Variants in SVOP observed in about 807,000 individuals in gnomAD.
The protein encoded by SVOP is SV2 related protein, also known as synaptic vesicle 2-related protein.
Under a neutral mutation model 69.1 loss-of-function variants are expected in SVOP, and 17 were observed. That is an observed-to-expected ratio of 0.25 (90% CI 0.17 to 0.37). The LOEUF (loss-of-function observed/expected upper bound fraction) is 0.37, where lower values mean the gene tolerates loss of function less well. Ranked by LOEUF, SVOP falls within the 10% of genes least tolerant of loss-of-function variation. SVOP has a pLI of 1.00. For missense variants in SVOP, 435 were observed against 597.5 expected (o/e 0.73, Z 2.84); for synonymous variants, 238 against 238.6 (o/e 1.00, Z 0.02).
chr12:108,914,023 C>T (rs985249251), intron 15 of SVOP, among the ~76,000 whole-genome samples: 16 of 152,228 alleles, frequency 1.1e-4, no homozygotes, highest in African/African-American at 3.9e-4. Flanking sequence ...GCACCTGGCA[C>T]CGTGGAGGCA....
At chr12:108,937,180 T>C in intron 10 of SVOP, 84 bp downstream of exon 10, 2 of 1,359,772 alleles carry the variant, frequency 1.5e-6, no homozygotes, top group South Asian at 1.2e-5. Flanking sequence ...ATCAAAGTGC[T>C]ATCTGTCCAT....
At chr12:108,991,016 C>A (rs2040197404) in intron 1 of SVOP, among the ~76,000 whole-genome samples, 1 of 152,198 alleles carries the variant, frequency 6.6e-6, no homozygotes, top group African/African-American at 2.4e-5. Flanking sequence ...TCAACCCCAT[C>A]GTGAAGCAGA....
chr12:108,988,022 G>C (rs2040175708), intron 1 of SVOP, among the ~76,000 whole-genome samples: 1 of 152,038 alleles, frequency 6.6e-6, no homozygotes, highest in Admixed American at 6.6e-5. Context: ...CCTGGGCTCA[G>C]GTGCTCCTCC....
intron 2 of SVOP, among the ~76,000 whole-genome samples, chr12:108,980,640 C>A (rs2040130633): frequency 7.7e-6 from 1 of 129,720 alleles, no homozygotes; most frequent in Admixed American, 7.2e-5. Flanking sequence ...GTCCCAGCTA[C>A]TCAGGAGGCT....
chr12:109,006,160 C>G (rs931895678), intron 1 of SVOP, among the ~76,000 whole-genome samples: 1 of 152,164 alleles, frequency 6.6e-6, no homozygotes, highest in Admixed American at 6.6e-5. Flanking sequence ...TCAAGCGATT[C>G]TCCTGCCTCA....
At chr12:108,951,632 C>A (rs1203388563) in intron 6 of SVOP, among the ~76,000 whole-genome samples, 1 of 151,738 alleles carries the variant, frequency 6.6e-6, no homozygotes, top group Non-Finnish European at 1.5e-5. Flanking sequence ...TAAGAACCAC[C>A]AGCCTACACT....
intron 1 of SVOP, among the ~76,000 whole-genome samples, chr12:109,007,918 G>T (rs1319229349): frequency 6.6e-6 from 1 of 151,754 alleles, no homozygotes; most frequent in Non-Finnish European, 1.5e-5. Flanking sequence ...CGCACCTTTG[G>T]TCTCAGCTAC....
At chr12:108,948,466 G>A (rs187126572) in intron 6 of SVOP, among the ~76,000 whole-genome samples, 2 of 152,280 alleles carry the variant, frequency 1.3e-5, no homozygotes, top group Admixed American at 1.3e-4. Flanking sequence ...ATCAACAACA[G>A]AGAAGTTGTT....
At chr12:108,940,701 C>A in intron 8 of SVOP, 83 bp downstream of exon 8, 1 of 1,486,074 alleles carries the variant, frequency 6.7e-7, no homozygotes, top group Non-Finnish European at 9.0e-7. Context: ...CTTTGGTATC[C>A]TTCCCTATCC....
chr12:109,003,420 G>A (rs945999061), intron 1 of SVOP, among the ~76,000 whole-genome samples: 1 of 152,212 alleles, frequency 6.6e-6, no homozygotes, highest in African/African-American at 2.4e-5. Flanking sequence ...TCTGTGAAGT[G>A]GGAATGACAG....
At chr12:108,959,223 C>T (rs1593191175) in intron 6 of SVOP, among the ~76,000 whole-genome samples, 1 of 152,194 alleles carries the variant, frequency 6.6e-6, no homozygotes, top group East Asian at 1.9e-4. Flanking sequence ...CAGATCCATA[C>T]TTCTAGGTAC....
At chr12:109,002,996 A>C (rs2040282054) in intron 1 of SVOP, among the ~76,000 whole-genome samples, 1 of 58,156 alleles carries the variant, frequency 1.7e-5, no homozygotes, top group Non-Finnish European at 3.6e-5. Flanking sequence ...TAAATAAATA[A>C]ATAAATAAAA....
At chr12:108,917,940 C>G in intron 14 of SVOP, 103 bp downstream of exon 14, 2 of 957,710 alleles carry the variant, frequency 2.1e-6, no homozygotes, top group Non-Finnish European at 1.5e-6. Flanking sequence ...GCTACCGCGC[C>G]CACCACCTCA....
chr12:108,916,132 C>G (rs1231315246), intron 14 of SVOP, among the ~76,000 whole-genome samples: 1 of 152,226 alleles, frequency 6.6e-6, no homozygotes, highest in African/African-American at 2.4e-5. Flanking sequence ...TCCCCAAAGA[C>G]TCCTCCACCA....
intron 10 of SVOP, among the ~76,000 whole-genome samples, chr12:108,936,131 T>A (rs552247290): frequency 8.0e-4 from 122 of 151,960 alleles, no homozygotes; most frequent in Non-Finnish European, 1.6e-3. Flanking sequence ...CTGCAGCTTC[T>A]GTCTCCCGGG....
At chr12:108,919,071 C>G (rs1167184108) in intron 13 of SVOP, among the ~76,000 whole-genome samples, 2 of 148,952 alleles carry the variant, frequency 1.3e-5, no homozygotes, top group Non-Finnish European at 3.0e-5. Context: ...ACCCTACACC[C>G]ACACTTGGGC....
At chr12:109,014,775 G>A (rs1188517668) in intron 1 of SVOP, among the ~76,000 whole-genome samples, 1 of 152,118 alleles carries the variant, frequency 6.6e-6, no homozygotes, top group Non-Finnish European at 1.5e-5. Context: ...AGGCTGGAGT[G>A]TAGTGGCACA....
rs1034163628 is a variant in SVOP at position 108,999,874 on chromosome 12, T to C, written c.36-16113A>G. 1.5e-3 allele frequency among the ~76,000 whole-genome samples: 224 copies of C among 151,822 alleles called. 1 individual carries two copies. The highest frequency in any genetic ancestry group is 5.2e-3 in the African/African-American group (215 of 41,392). On this transcript the variant is annotated intron_variant, in intron 1 of 15. Transcript: ENST00000610966. ...AAGAGAAAGCAGGAAAGATCCAACA[T>C]TGACACCCTAACATCACAATTAAAA... is the stretch of plus-strand genomic sequence containing the variant.
intron 1 of SVOP, among the ~76,000 whole-genome samples, chr12:109,020,608 AAGG>A (rs2040391391): frequency 6.6e-6 from 1 of 151,940 alleles, no homozygotes; most frequent in African/African-American, 2.4e-5. Flanking sequence ...GTTCCCCCAT[AAGG>A]TCCTGACAGA....
Sources: allele counts gnomAD v4.1 joint callset (sites outside exome capture counted in the v4.1 genomes callset), GRCh38; gene constraint gnomAD v4.1.1; transcripts MANE v1.5; gene names NCBI Gene and HGNC (gene_info 2026-07-23, HGNC 2026-07-21).